The following MRTFB variants were observed in gnomAD, a reference collection of about 807,000 sequenced individuals.
MRTFB encodes the protein myocardin-related transcription factor B.
MRTFB carries 29 observed loss-of-function variants against 104.2 expected under a neutral mutation model. The ratio of observed to expected loss-of-function variants is 0.28; its 90% confidence interval spans 0.21 to 0.38. The LOEUF (loss-of-function observed/expected upper bound fraction) is 0.38. MRTFB is among the 10% of genes least tolerant of loss of function. The pLI is 1.00. For missense variants in MRTFB, 1,270 were observed against 1,341.6 expected (o/e 0.95, Z 0.83); for synonymous variants, 535 against 519.5 (o/e 1.03, Z -0.41).
At chr16:14,252,257 A>T (rs2043286482) in intron 14 of MRTFB, 108 bp from the exon 15 acceptor site, 3 of 1,491,008 alleles carry the variant, frequency 2.0e-6, no homozygotes, top group Non-Finnish European at 2.7e-6. Flanking sequence ...CCTGCTCATG[A>T]ATTCCCTGAT....
At chr16:14,197,795 T>C (rs985629346) in intron 3 of MRTFB, among the ~76,000 whole-genome samples, 4 of 152,144 alleles carry the variant, frequency 2.6e-5, no homozygotes, top group Admixed American at 1.3e-4. Context: ...ACCAAATTGT[T>C]AAAAGATCAA....
At chr16:14,212,458 C>G (rs376962372) in intron 5 of MRTFB, 49 bp downstream of exon 5, 5 of 1,553,266 alleles carry the variant, frequency 3.2e-6, no homozygotes, top group Non-Finnish European at 2.7e-6. Context: ...CTTCTCTCCT[C>G]TCTTCTAAAA....
At chr16:14,246,373 G>C (rs1487159233) in intron 11 of MRTFB, 100 bp from the exon 12 acceptor site, 2 of 1,164,434 alleles carry the variant, frequency 1.7e-6, no homozygotes. Flanking sequence ...GTAACGCAGA[G>C]TTGTCTGACA....
rs1199048381 is a variant in MRTFB at position 14,265,211 on chromosome 16, T to C, written c.*3767T>C. 6.6e-6 allele frequency: 1 copy of C among 152,222 alleles called. No homozygotes were observed. The highest frequency in any genetic ancestry group is 2.4e-5 in the African/African-American group (1 of 41,452). 9.4% of individuals were successfully genotyped at this position (152,222 alleles called of 1,614,324 possible). ...AAGAGAATAGCTATTCAGTGTCTAC[T>C]AGCAGAGCAACATGTGTCAATTTAA... On this transcript the variant is annotated 3_prime_UTR_variant, in exon 17 of 17. Transcript: ENST00000571589.
intron 1 of MRTFB, 111 bp from the exon 2 acceptor site, chr16:14,079,179 G>A (rs74543541): frequency 0.03 from 9,029 of 304,754 alleles, 194 homozygotes; most frequent in Non-Finnish European, 0.038. Flanking sequence ...TAATAACTTC[G>A]ATTTTGTTAT....
chr16:14,225,973 C>T (rs140748131), intron 8 of MRTFB, among the ~76,000 whole-genome samples: 77 of 152,266 alleles, frequency 5.1e-4, no homozygotes, highest in South Asian at 3.5e-3. Flanking sequence ...GGGCCAACCA[C>T]CAGTCATCAT....
At chr16:14,080,065 C>T (rs2034305902) in intron 2 of MRTFB, among the ~76,000 whole-genome samples, 1 of 152,178 alleles carries the variant, frequency 6.6e-6, no homozygotes, top group African/African-American at 2.4e-5. Flanking sequence ...AGGCACCATA[C>T]TTTATGCCTT....
At chr16:14,131,558 A>G (rs931258139) in intron 2 of MRTFB, among the ~76,000 whole-genome samples, 4 of 152,172 alleles carry the variant, frequency 2.6e-5, no homozygotes, top group African/African-American at 7.2e-5. Flanking sequence ...ATCTATAAGG[A>G]TCTGGTATCC....
chr16:14,243,877 T>TTTTTTTTTTTTTTTTG (rs2042894087), intron 10 of MRTFB, among the ~76,000 whole-genome samples: 1 of 147,640 alleles, frequency 6.8e-6, no homozygotes, highest in African/African-American at 2.6e-5. Context: ...TTTTTTTTTT[T>TTTTTTTTTTTTTTTTG]GAGACAGAGT....
intron 2 of MRTFB, among the ~76,000 whole-genome samples, chr16:14,137,065 TGTTCTA>T (rs2037757630): frequency 6.6e-6 from 1 of 152,210 alleles, no homozygotes; most frequent in Non-Finnish European, 1.5e-5. Flanking sequence ...TGAGATAATC[TGTTCTA>T]GTGCCATTTC....
chr16:14,059,582 C>T, the MRTFB span, among the ~76,000 whole-genome samples: 6 of 152,162 alleles, frequency 3.9e-5, no homozygotes, highest in African/African-American at 9.7e-5. Context: ...AGGCCATTTG[C>T]AGGGCCACAC....
chr16:14,218,859 T>C lies in MRTFB; in HGVS notation c.554T>C (p.Phe185Ser). The change falls in exon 8 of 17, where the codon TTC becomes TCC. Residue 185 changes from phenylalanine (F) to serine (S), a missense_variant. Phe to Ser is a radical substitution (Grantham distance 155). Around this residue, in one of 3 missense-constraint regions of MRTFB, gnomAD observed 1,144 missense variants for 1,131.5 expected, o/e 1.01. Coordinates refer to ENST00000571589, the MANE Select transcript of MRTFB (RefSeq NM_001308142.2). The stretch of plus-strand genomic sequence containing the variant: ...GACTATCCCCACACTCAGGGCGATT[T>C]CTCATTTGATGAAGACAGCAGTGAC... ...KEDYPHTQGDFSFDEDSSDAL... is the reference protein window; with the variant it reads ...KEDYPHTQGDSSFDEDSSDAL... 1 of 1,613,448 alleles carries C rather than the reference T, an allele frequency of 6.2e-7. No individual in the cohort carries two copies.
At chr16:14,235,173 A>G (rs1426985653) in intron 9 of MRTFB, among the ~76,000 whole-genome samples, 1 of 152,144 alleles carries the variant, frequency 6.6e-6, no homozygotes, top group African/African-American at 2.4e-5. Context: ...GATGAACACA[A>G]TGCATATTCC....
At chr16:13,996,991 C>T in the MRTFB span, among the ~76,000 whole-genome samples, 2 of 152,176 alleles carry the variant, frequency 1.3e-5, no homozygotes, top group Non-Finnish European at 2.9e-5. Flanking sequence ...GGGTTGTGAC[C>T]TTGACTTTCG....
chr16:14,261,088 C>T lies in MRTFB; in HGVS notation c.2944C>T (p.Leu982=). 2 of 1,614,198 alleles carry T rather than the reference C, an allele frequency of 1.2e-6. No homozygotes were observed. The highest frequency in any genetic ancestry group is 1.6e-4 in the Middle Eastern group (1 of 6,062). The change falls in exon 17 of 17, where the codon CTA becomes TTA. Residue 982 remains leucine (L), a synonymous_variant. Transcript: ENST00000571589. ...GSLSASLENQ[L]EAFLDGTLPS... ...TTTATCTGCCAGCTTAGAGAACCAA[C>T]TAGAAGCTTTCTTGGATGGAACTTT... is the stretch of plus-strand genomic sequence containing the variant.
rs1385029866 is a variant in MRTFB at position 14,173,814 on chromosome 16, T to A, written c.154+33054T>A. ...TTTATTTTCATTCTTCCATTTTTAT[T>A]GATGTAATGGTTTACGGATTTGAAT... On this transcript the variant is annotated intron_variant, in intron 3 of 16. Transcript: ENST00000571589. Among the ~76,000 whole-genome samples, 4 of 152,196 alleles carry A rather than the reference T, an allele frequency of 2.6e-5. No individual in the cohort carries two copies. The East Asian group carries it at 7.7e-4, about 29-fold the overall frequency.
the MRTFB span, among the ~76,000 whole-genome samples, chr16:14,063,600 G>A: frequency 3.3e-5 from 5 of 152,280 alleles, no homozygotes; most frequent in African/African-American, 1.2e-4. Flanking sequence ...GTTAGAACAT[G>A]TGATGTTTGG....
intron 14 of MRTFB, 88 bp from the exon 15 acceptor site, chr16:14,252,277 A>G: frequency 2.0e-6 from 3 of 1,537,860 alleles, no homozygotes; most frequent in Non-Finnish European, 2.6e-6. Context: ...TTTGGCCACT[A>G]CATAGAGAAC....
intron 10 of MRTFB, among the ~76,000 whole-genome samples, chr16:14,243,339 G>C (rs1055880294): frequency 6.6e-6 from 1 of 152,192 alleles, no homozygotes; most frequent in African/African-American, 2.4e-5. Context: ...TCAACCACAG[G>C]CTTCCCAGAA....
Sources: gnomAD v4.1 joint callset for allele counts (sites outside exome capture counted in the v4.1 genomes callset) on GRCh38, gnomAD v4.1.1 for gene constraint, gnomAD v4.1.1 regional missense constraint, MANE v1.5 for transcripts, NCBI Gene and HGNC (gene_info 2026-07-23, HGNC 2026-07-21) for gene names.